CIMIP2A: variants seen among roughly 807,000 people sequenced by gnomAD.
The protein encoded by CIMIP2A is ciliary microtubule inner protein 2A.
the CIMIP2A span, chr9:137,244,427 A>C: frequency 6.5e-7 from 1 of 1,527,976 alleles, no homozygotes. Flanking sequence ...GCATCCCCCT[A>C]CCCCCGACTC....
the CIMIP2A span, chr9:137,251,447 G>A: frequency 7.2e-7 from 1 of 1,396,170 alleles, no homozygotes; most frequent in Admixed American, 1.7e-5. Flanking sequence ...AGTGGCCAGG[G>A]GGCTGAGGGA....
the CIMIP2A span, chr9:137,253,559 G>A: frequency 1.5e-6 from 2 of 1,340,906 alleles, no homozygotes; most frequent in Non-Finnish European, 1.9e-6. Context: ...GTCATTTCCG[G>A]CTTTCCCTGT....
the CIMIP2A span, chr9:137,252,052 C>G: frequency 6.2e-7 from 1 of 1,613,058 alleles, no homozygotes; most frequent in Admixed American, 1.7e-5. Flanking sequence ...CCCAGCCCCA[C>G]CAGGTACCAG....
chr9:137,244,249 G>A, the CIMIP2A span: 2 of 1,613,896 alleles, frequency 1.2e-6, no homozygotes. Context: ...GTTCCAGGCA[G>A]CTTCTCGCCC....
the CIMIP2A span, chr9:137,244,594 G>A: frequency 1.2e-5 from 19 of 1,605,294 alleles, no homozygotes; most frequent in Non-Finnish European, 1.6e-5. Flanking sequence ...GGCAGGAGAG[G>A]AAGTGTGTGT....
chr9:137,243,820 C>G, the CIMIP2A span: 1 of 1,609,924 alleles, frequency 6.2e-7, no homozygotes, highest in Non-Finnish European at 8.5e-7. Context: ...CTGAGCTGGG[C>G]TTATGTGCCC....
At chr9:137,248,388 CAA>C in the CIMIP2A span, among the ~76,000 whole-genome samples, 2 of 151,704 alleles carry the variant, frequency 1.3e-5, no homozygotes, top group Non-Finnish European at 2.9e-5. Flanking sequence ...ACTAAAAATA[CAA>C]AAATTAGCCA....
At chr9:137,253,346 GC>G in the CIMIP2A span, 1 of 1,544,940 alleles carries the variant, frequency 6.5e-7, no homozygotes, top group East Asian at 2.4e-5. Context: ...CCCCAGCCTG[GC>G]CTTCTGACCC....
chr9:137,243,603 T>C, the CIMIP2A span: 4 of 1,613,298 alleles, frequency 2.5e-6, no homozygotes, highest in Non-Finnish European at 3.4e-6. Context: ...GAACTCTTTA[T>C]TCACTCCCAG....
the CIMIP2A span, among the ~76,000 whole-genome samples, chr9:137,247,121 A>C: frequency 6.6e-6 from 1 of 152,070 alleles, no homozygotes; most frequent in African/African-American, 2.4e-5. Context: ...CCTCGTCCCT[A>C]CTAAAAATAC....
At chr9:137,243,789 C>T in the CIMIP2A span, 10 of 1,613,840 alleles carry the variant, frequency 6.2e-6, no homozygotes, top group Non-Finnish European at 7.6e-6. Context: ...TCCTGCATGG[C>T]TGCGGGGAGC....
the CIMIP2A span, chr9:137,244,842 C>T: frequency 5.9e-5 from 92 of 1,567,950 alleles, no homozygotes; most frequent in East Asian, 2.6e-4. Context: ...GGCTCCCTTT[C>T]GTTCCCTGAA....
the CIMIP2A span, chr9:137,251,956 C>G: frequency 1.3e-6 from 2 of 1,597,088 alleles, no homozygotes; most frequent in African/African-American, 2.7e-5. Context: ...GTGGGAGGGG[C>G]CCGCTGAAAG....
At chr9:137,252,102 C>G in the CIMIP2A span, 1 of 1,612,426 alleles carries the variant, frequency 6.2e-7, no homozygotes, top group East Asian at 2.2e-5. Flanking sequence ...CCCACACCCC[C>G]ACTACAGCAT....
At chr9:137,252,163 C>T in the CIMIP2A span, 1 of 1,590,506 alleles carries the variant, frequency 6.3e-7, no homozygotes, top group Non-Finnish European at 8.6e-7. Context: ...GAGGCCCAAC[C>T]ACCGGGCCTG....
At chr9:137,252,516 A>G in the CIMIP2A span, 1 of 1,548,024 alleles carries the variant, frequency 6.5e-7, no homozygotes, top group Non-Finnish European at 8.8e-7. Context: ...ACTTCGACCA[A>G]GAGCAAAAGG....
At chr9:137,243,857 G>C in the CIMIP2A span, 1 of 1,535,042 alleles carries the variant, frequency 6.5e-7, no homozygotes, top group African/African-American at 1.4e-5. Flanking sequence ...GGACACCCAG[G>C]CTTCAGAGAA....
chr9:137,251,135 G>A, the CIMIP2A span: 1 of 672,886 alleles, frequency 1.5e-6, no homozygotes, highest in Non-Finnish European at 2.7e-6. Flanking sequence ...CATCTAGTTA[G>A]TGGGGGAGGG....
At chr9:137,243,824 T>A in the CIMIP2A span, 3 of 1,608,148 alleles carry the variant, frequency 1.9e-6, no homozygotes, top group Non-Finnish European at 2.6e-6. Flanking sequence ...GCTGGGCTTA[T>A]GTGCCCAGGA....
Sources: gnomAD v4.1 joint callset for allele counts (sites outside exome capture counted in the v4.1 genomes callset) on GRCh38, gnomAD v4.1.1 for gene constraint, MANE v1.5 for transcripts, NCBI Gene and HGNC (gene_info 2026-07-23, HGNC 2026-07-21) for gene names.